The following NRG3 variants were observed in gnomAD, a reference collection of about 807,000 sequenced individuals.
The protein encoded by NRG3 is neuregulin 3.
A neutral mutation model predicts 66.9 loss-of-function variants in NRG3; 31 were observed. The ratio of observed to expected loss-of-function variants is 0.46; its 90% CI spans 0.35 to 0.63. NRG3 has a LOEUF of 0.63. Ranked by LOEUF, NRG3 falls within the 20% of genes least tolerant of loss-of-function variation. The pLI, the probability that NRG3 is intolerant of heterozygous loss-of-function variation, is 0.00. For missense variants in NRG3, 910 were observed against 878.9 expected (o/e 1.04, Z -0.45); for synonymous variants, 393 against 359.4 (o/e 1.09, Z -1.06).
rs1177571015 is a variant in NRG3, at chr10:82,973,773, T to C, written c.1285-15T>C. The C allele has an allele frequency of 2.5e-6, 4 of 1,613,828 alleles. No homozygotes were observed. The highest frequency in any genetic ancestry group is 2.5e-6 in the Non-Finnish European group (3 of 1,179,744). On this transcript the variant is annotated splice_polypyrimidine_tract_variant and intron_variant, in intron 6 of 8. Transcript: ENST00000372141. ...GTATCCTTCGTCTCAACTCTGTACG[T>C]GTGATTTCCCACAGTATTCAAAGGT...
chr10:82,064,352 A>G (rs1182813660), intron 1 of NRG3, among the ~76,000 whole-genome samples: 1 of 151,836 alleles, frequency 6.6e-6, no homozygotes, highest in South Asian at 2.1e-4. Context: ...TCATTTTCTT[A>G]TGAAATATCA....
chr10:82,480,029 T>C (rs183304945), intron 2 of NRG3, among the ~76,000 whole-genome samples: 83 of 152,292 alleles, frequency 5.5e-4, no homozygotes, highest in Non-Finnish European at 9.3e-4. Context: ...ACGTGTTCTG[T>C]CCTGCCCTAA....
chr10:82,691,798 C>T (rs773499577), intron 2 of NRG3, among the ~76,000 whole-genome samples: 6 of 152,122 alleles, frequency 3.9e-5, no homozygotes, highest in Non-Finnish European at 5.9e-5. Context: ...ATTGATGAGG[C>T]GCCAAAGTCC....
intron 1 of NRG3, among the ~76,000 whole-genome samples, chr10:82,105,289 A>G (rs1190135622): frequency 1.3e-5 from 2 of 152,158 alleles, no homozygotes; most frequent in African/African-American, 4.8e-5. Flanking sequence ...TGACTGCCTC[A>G]TTACCTGTTT....
intron 1 of NRG3, among the ~76,000 whole-genome samples, chr10:82,196,751 G>A (rs1295948662): frequency 6.6e-6 from 1 of 152,170 alleles, no homozygotes; most frequent in Non-Finnish European, 1.5e-5. Flanking sequence ...GAGTGAGTGA[G>A]TGATAAGGAA....
At chr10:82,600,556 T>C (rs2047560524) in intron 2 of NRG3, among the ~76,000 whole-genome samples, 1 of 152,132 alleles carries the variant, frequency 6.6e-6, no homozygotes, top group South Asian at 2.1e-4. Context: ...TTGCAACCCC[T>C]GCCTCCCAGG....
chr10:82,407,197 G>A (rs2087586632), intron 2 of NRG3, among the ~76,000 whole-genome samples: 1 of 151,920 alleles, frequency 6.6e-6, no homozygotes, highest in African/African-American at 2.4e-5. Flanking sequence ...TCCATCATTA[G>A]ACATAAATGA....
At chr10:82,074,519 T>C (rs951811284) in intron 1 of NRG3, among the ~76,000 whole-genome samples, 3 of 152,178 alleles carry the variant, frequency 2.0e-5, no homozygotes, top group Admixed American at 6.5e-5. Flanking sequence ...AGAAATCTCA[T>C]TGGAGAGGCT....
chr10:82,818,775 C>G (rs979124390), intron 3 of NRG3, among the ~76,000 whole-genome samples: 1 of 152,138 alleles, frequency 6.6e-6, no homozygotes, highest in African/African-American at 2.4e-5. Context: ...CCACTGTCTC[C>G]CAACGCATCA....
chr10:82,612,564 A>C (rs2048380957), intron 2 of NRG3, among the ~76,000 whole-genome samples: 2 of 152,304 alleles, frequency 1.3e-5, no homozygotes, highest in South Asian at 4.1e-4. Context: ...TATGCCACAT[A>C]CTCTAAAAGT....
chr10:82,704,919 C>A (rs1293457357), intron 2 of NRG3, among the ~76,000 whole-genome samples: 1 of 152,152 alleles, frequency 6.6e-6, no homozygotes. Context: ...AATATTACAT[C>A]AAGAAGGCAG....
intron 2 of NRG3, among the ~76,000 whole-genome samples, chr10:82,428,897 G>A (rs1221753564): frequency 6.6e-6 from 1 of 151,788 alleles, no homozygotes; most frequent in Non-Finnish European, 1.5e-5. Context: ...GTTGTTAGGT[G>A]TATATATGTT....
chr10:81,985,177 T>C (rs2060474621), intron 1 of NRG3, among the ~76,000 whole-genome samples: 1 of 152,240 alleles, frequency 6.6e-6, no homozygotes, highest in Non-Finnish European at 1.5e-5. Flanking sequence ...GTGTTGTTAA[T>C]AACCACTTTT....
intron 2 of NRG3, among the ~76,000 whole-genome samples, chr10:82,376,143 G>A (rs1008627251): frequency 6.6e-6 from 1 of 152,146 alleles, no homozygotes; most frequent in Non-Finnish European, 1.5e-5. Flanking sequence ...AAGGGTCTGG[G>A]TTCCAGGGGT....
At chr10:82,214,376 T>A (rs1486321732) in intron 1 of NRG3, among the ~76,000 whole-genome samples, 1 of 152,084 alleles carries the variant, frequency 6.6e-6, no homozygotes, top group Non-Finnish European at 1.5e-5. Context: ...TCCCAGCAGG[T>A]GTTCCAGTCT....
At chr10:82,824,719 C>CTTT (rs35568898) in intron 3 of NRG3, among the ~76,000 whole-genome samples, 1 of 138,706 alleles carries the variant, frequency 7.2e-6, no homozygotes, top group Non-Finnish European at 1.6e-5. Flanking sequence ...ATTATAGACA[C>CTTT]TTTTTTTTTT....
At chr10:82,459,285 C>T (rs1318322205) in intron 2 of NRG3, among the ~76,000 whole-genome samples, 1 of 152,166 alleles carries the variant, frequency 6.6e-6, no homozygotes, top group Non-Finnish European at 1.5e-5. Flanking sequence ...GGGCCCTGCA[C>T]CTACTTCAGG....
intron 2 of NRG3, among the ~76,000 whole-genome samples, chr10:82,629,414 C>G (rs1428902896): frequency 6.6e-6 from 1 of 152,166 alleles, no homozygotes; most frequent in Non-Finnish European, 1.5e-5. Context: ...ATTTCTTAAC[C>G]TGTGTGAATT....
intron 2 of NRG3, among the ~76,000 whole-genome samples, chr10:82,477,026 G>C (rs1285428874): frequency 6.6e-6 from 1 of 152,128 alleles, no homozygotes; most frequent in East Asian, 1.9e-4. Flanking sequence ...CTACTTCTGG[G>C]CCAGGGTGAA....
Sources: gnomAD v4.1 joint callset for allele counts (sites outside exome capture counted in the v4.1 genomes callset) on GRCh38, gnomAD v4.1.1 for gene constraint, MANE v1.5 for transcripts, NCBI Gene and HGNC (gene_info 2026-07-23, HGNC 2026-07-21) for gene names.